COQ8B: variants seen among roughly 807,000 people sequenced by gnomAD.
COQ8B encodes the protein coenzyme Q8B.
Under a neutral mutation model 62.0 loss-of-function variants are expected in COQ8B, and 44 were observed. That is an observed-to-expected ratio of 0.71 (90% CI 0.56 to 0.91). The LOEUF (loss-of-function observed/expected upper bound fraction) is 0.91. COQ8B is among the 40% of genes least tolerant of loss of function. COQ8B has a pLI of 0.00. For synonymous variants in COQ8B, 252 were observed against 289.9 expected (o/e 0.87, Z 1.33); for missense variants, 649 against 731.6 (o/e 0.89, Z 1.30).
intron 9 of COQ8B, 90 bp from the exon 10 acceptor site, chr19:40,702,783 C>T (rs897541775): frequency 2.5e-5 from 31 of 1,220,284 alleles, no homozygotes; most frequent in South Asian, 3.7e-5. Context: ...CTGTCTCCCG[C>T]GCTGTCCCTC....
chr19:40,700,456 G>A lies in COQ8B; in HGVS notation c.894-5C>T. The A allele has an allele frequency of 6.2e-7, 1 of 1,612,480 alleles. No individual in the cohort carries two copies. The highest frequency in any genetic ancestry group is 1.1e-5 in the South Asian group (1 of 90,924). On this transcript the variant is annotated splice_region_variant and splice_polypyrimidine_tract_variant and intron_variant, in intron 10 of 14. Coordinates refer to ENST00000324464, the MANE Select transcript of COQ8B (RefSeq NM_024876.4). The stretch of plus-strand genomic sequence containing the variant: ...GGGTCATTTGCCAGCAGCTGCCTGG[G>A]GCAGAAGGAAAGGGAGGAAGGGGAC...
At chr19:40,710,275 C>T (rs1248061023) in intron 4 of COQ8B, 139 bp from the exon 5 acceptor site, 19 of 766,018 alleles carry the variant, frequency 2.5e-5, no homozygotes, top group Middle Eastern at 7.9e-4. Context: ...GATGGAGTCT[C>T]GCTCTGTTGC....
rs756616608 is a variant in COQ8B, at chr19:40,692,933, C to T, written c.1296+18G>A. The T allele has an allele frequency of 7.4e-6, 12 of 1,611,758 alleles. No homozygotes were observed. In the South Asian group the frequency reaches 1.1e-4, roughly 15 times the overall value. Reference sequence around the variant, plus strand: ...CACCAACAGACACCAGCCCCTTTCTCCCCCAGTGTCTCCCCACCTTGGTTT... The same window carrying T: ...CACCAACAGACACCAGCCCCTTTCTTCCCCAGTGTCTCCCCACCTTGGTTT... On this transcript the variant is annotated intron_variant, in intron 14 of 14. Coordinates refer to ENST00000324464, the MANE Select transcript of COQ8B (RefSeq NM_024876.4).
At chr19:40,692,669 G>A (rs2144678185) in intron 14 of COQ8B, among the ~76,000 whole-genome samples, 1 of 152,144 alleles carries the variant, frequency 6.6e-6, no homozygotes, top group Non-Finnish European at 1.5e-5. Flanking sequence ...GATCCACGGT[G>A]CCCATGTTCC....
In COQ8B at chr19:40,694,087, C is replaced by G. The variant is rs147617475; in HGVS notation, c.1210-1050G>C. Among the ~76,000 whole-genome samples the G allele has an allele frequency of 6.4e-3, 971 of 152,268 alleles. 13 individuals are homozygous for G. Among genetic ancestry groups the G allele is most frequent in the African/African-American group, 0.023 (935 of 41,546 alleles). On this transcript the variant is annotated intron_variant, in intron 13 of 14. Coordinates refer to ENST00000324464, the MANE Select transcript of COQ8B (RefSeq NM_024876.4). ...GGAGAAGAAGGGTCTCAGCTTTGTG[C>G]CTCAGTGGCCGGCAGAGAGGGCCCC... is the stretch of plus-strand genomic sequence containing the variant.
At chr19:40,710,238 A>G (rs1243399755) in intron 4 of COQ8B, 102 bp from the exon 5 acceptor site, 8 of 1,080,830 alleles carry the variant, frequency 7.4e-6, no homozygotes, top group African/African-American at 1.6e-5. Flanking sequence ...TTGTCTCCCA[A>G]CTCTTTTTAT....
At chr19:40,703,378 C>T in intron 9 of COQ8B, 163 bp downstream of exon 9, 1 of 702,126 alleles carries the variant, frequency 1.4e-6, no homozygotes, top group East Asian at 2.8e-5. Context: ...CCTGCTCATG[C>T]TCCCTGGGCT....
intron 12 of COQ8B, among the ~76,000 whole-genome samples, chr19:40,698,691 T>C (rs1240515871): frequency 6.6e-6 from 1 of 152,144 alleles, no homozygotes; most frequent in Non-Finnish European, 1.5e-5. Flanking sequence ...GGACTAGGGC[T>C]GGAGACTCCG....
In COQ8B at chr19:40,692,983, C is replaced by T. The variant is rs2081985913; in HGVS notation, c.1264G>A (p.Asp422Asn). The T allele has an allele frequency of 6.2e-7, 1 of 1,614,014 alleles. No homozygotes were observed. The highest frequency in any genetic ancestry group is 1.7e-5 in the Admixed American group (1 of 60,008). Residue 422 changes from aspartate (D) to asparagine (N), a missense_variant, in exon 14 of 15, where the codon GAC becomes AAC. By Grantham distance (23) the Asp-to-Asn change is conservative. Coordinates refer to ENST00000324464, the MANE Select transcript of COQ8B (RefSeq NM_024876.4). ...DRDCVLQKSR[D>N]LKFLTGFETK... ...TCAAAGCCTGTGAGGAATTTGAGGTCCCTGGACTTCTGCAGGACACAGTCT... is the reference window on the plus strand; with the variant it reads ...TCAAAGCCTGTGAGGAATTTGAGGTTCCTGGACTTCTGCAGGACACAGTCT...
At chr19:40,700,568 C>T in intron 10 of COQ8B, 117 bp from the exon 11 acceptor site, 1 of 1,277,464 alleles carries the variant, frequency 7.8e-7, no homozygotes, top group South Asian at 1.5e-5. Flanking sequence ...CATGCCCTCC[C>T]TCCTGCCCAT....
chr19:40,700,376 GC>G lies in COQ8B; in HGVS notation c.968del (p.Gly323AlafsTer16), dbSNP rs1452695691. ...GGGGGACCCCTCCAGCCAGCTCCAT[GC>G]CCAGCACCCGTGTCGTGCACAGCTC... ...VKELCTTRVL[G>X]MELAGGVPLD... On this transcript the variant is annotated frameshift_variant, in exon 11 of 15. Transcript: ENST00000324464. LOFTEE classifies it high-confidence loss of function. 6.2e-7 allele frequency: 1 copy of G among 1,614,170 alleles called. No individual in the cohort carries two copies. Among genetic ancestry groups the G allele is most frequent in the Admixed American group, 1.7e-5 (1 of 60,032 alleles).
intron 5 of COQ8B, among the ~76,000 whole-genome samples, chr19:40,707,216 C>T (rs984917752): frequency 6.6e-6 from 1 of 151,770 alleles, no homozygotes; most frequent in Non-Finnish European, 1.5e-5. Flanking sequence ...TTACAGTGAG[C>T]CGTGATCCCG....
At position 40,702,583 on chromosome 19, in the gene COQ8B, CAG is replaced by C. The variant is rs1336003591; in HGVS notation, c.893+15_893+16del. The C allele has an allele frequency of 6.2e-7, 1 of 1,612,340 alleles. No homozygotes were observed. Among genetic ancestry groups the C allele is most frequent in the Non-Finnish European group, 8.5e-7 (1 of 1,179,412 alleles). On this transcript the variant is annotated intron_variant, in intron 10 of 14. Coordinates refer to ENST00000324464, the MANE Select transcript of COQ8B (RefSeq NM_024876.4). ...TGGGAGGGAGGGAAGGAGGGAAGCT[CAG>C]GGCACTCAGCTCACCTGAAATTCTG...
chr19:40,715,592 T>C, intron 1 of COQ8B: 3 of 985,626 alleles, frequency 3.0e-6, no homozygotes, highest in Non-Finnish European at 3.6e-6. Context: ...CTTGCCTTGC[T>C]TGCCAACTGT....
intron 12 of COQ8B, among the ~76,000 whole-genome samples, chr19:40,697,215 G>A (rs533573068): frequency 6.6e-6 from 1 of 151,776 alleles, no homozygotes; most frequent in African/African-American, 2.4e-5. Flanking sequence ...ACGCTCAAGT[G>A]ATCCTCCCGC....
chr19:40,715,136 C>T, intron 1 of COQ8B: 1 of 986,492 alleles, frequency 1.0e-6, no homozygotes. Context: ...CCCCTTCGGC[C>T]AGCCAACCAA....
chr19:40,712,457 G>A (rs971033496), intron 4 of COQ8B, among the ~76,000 whole-genome samples: 12 of 151,528 alleles, frequency 7.9e-5, no homozygotes, highest in Non-Finnish European at 1.2e-4. Flanking sequence ...ACGTGGTGGC[G>A]TGCATCTGTA....
intron 7 of COQ8B, 160 bp downstream of exon 7, chr19:40,704,936 A>G: frequency 1.5e-6 from 1 of 678,156 alleles, no homozygotes; most frequent in South Asian, 2.0e-5. Context: ...TTTAATCACC[A>G]CAGCAATGCT....
intron 7 of COQ8B, 140 bp downstream of exon 7, chr19:40,704,956 G>A: frequency 2.6e-6 from 2 of 768,420 alleles, no homozygotes; most frequent in Non-Finnish European, 4.1e-6. Flanking sequence ...TAGGAGGTGT[G>A]TACTCTGGTG....
Sources: gnomAD v4.1 joint callset for allele counts (sites outside exome capture counted in the v4.1 genomes callset) on GRCh38, gnomAD v4.1.1 for gene constraint, MANE v1.5 for transcripts, NCBI Gene and HGNC (gene_info 2026-07-23, HGNC 2026-07-21) for gene names.